Variants in PDE11A observed in about 807,000 individuals in gnomAD.
PDE11A encodes the protein phosphodiesterase 11A.
In PDE11A, 100 loss-of-function variants were observed where a neutral mutation model predicts 100.5. That is an observed-to-expected ratio of 1.00 (90% CI 0.85 to 1.18). The LOEUF is 1.18. Among genes scored for constraint, PDE11A ranks in the 50% most tolerant of loss-of-function variants. The probability of loss-of-function intolerance (pLI) is 0.00; values close to 1 mark genes in which losing one functional copy is unlikely to be tolerated. For missense variants in PDE11A, 1,141 were observed against 1,152.6 expected (o/e 0.99, Z 0.15); for synonymous variants, 381 against 420.8 (o/e 0.91, Z 1.16).
chr2:177,673,158 A>C (rs532119834), intron 17 of PDE11A, among the ~76,000 whole-genome samples: 1 of 152,230 alleles, frequency 6.6e-6, no homozygotes, highest in East Asian at 1.9e-4. Context: ...GCAAATGGAA[A>C]GGACTTGAAT....
chr2:177,773,209 T>A (rs1406311469), intron 9 of PDE11A, among the ~76,000 whole-genome samples: 1 of 152,062 alleles, frequency 6.6e-6, no homozygotes, highest in East Asian at 1.9e-4. Context: ...AAACAGGGTT[T>A]CACTATGTGG....
rs115362468 is a variant in PDE11A at position 177,915,784 on chromosome 2, A to C, written c.1072-10597T>G. On this transcript the variant is annotated intron_variant, in intron 2 of 19. Coordinates refer to ENST00000286063, the MANE Select transcript of PDE11A (RefSeq NM_016953.4). ...CAAGAAACTGCTAAGCTGTCTTCCAAAGTGGCTGTGCCATCTTGCATTCCC... is the reference window on the plus strand; with the variant it reads ...CAAGAAACTGCTAAGCTGTCTTCCACAGTGGCTGTGCCATCTTGCATTCCC... Among the ~76,000 whole-genome samples the C allele has an allele frequency of 1.7e-3, 257 of 152,326 alleles. 1 individual carries two copies. Among genetic ancestry groups the C allele is most frequent in the Admixed American group, 2.7e-3 (41 of 15,302 alleles).
chr2:178,044,656 A>G (rs1457955652), intron 1 of PDE11A, among the ~76,000 whole-genome samples: 1 of 152,042 alleles, frequency 6.6e-6, no homozygotes, highest in Non-Finnish European at 1.5e-5. Context: ...AACTTCCCTC[A>G]GACTGTTTCT....
At chr2:177,801,904 A>G (rs924027995) in intron 9 of PDE11A, among the ~76,000 whole-genome samples, 2 of 152,136 alleles carry the variant, frequency 1.3e-5, no homozygotes, top group African/African-American at 4.8e-5. Context: ...TTATCAAAAG[A>G]CACCATGAAA....
chr2:178,100,955 A>G (rs1255549921), intron 2 of PDE11A, among the ~76,000 whole-genome samples: 1 of 152,248 alleles, frequency 6.6e-6, no homozygotes, highest in African/African-American at 2.4e-5. Context: ...TACTTTAAAA[A>G]TTAAAAAGCT....
At chr2:177,650,824 G>A (rs1331579239) in intron 19 of PDE11A, among the ~76,000 whole-genome samples, 1 of 152,162 alleles carries the variant, frequency 6.6e-6, no homozygotes, top group East Asian at 1.9e-4. Flanking sequence ...CCCTCCTACA[G>A]ATGGTCTGCA....
At chr2:177,893,735 A>G (rs999474223) in intron 4 of PDE11A, among the ~76,000 whole-genome samples, 36 of 152,212 alleles carry the variant, frequency 2.4e-4, no homozygotes, top group Admixed American at 6.5e-4. Context: ...GAGGTGATGA[A>G]GACTGTCTAA....
intron 2 of PDE11A, among the ~76,000 whole-genome samples, chr2:177,952,331 AATT>A (rs1385792409): frequency 6.6e-6 from 1 of 152,146 alleles, no homozygotes; most frequent in Non-Finnish European, 1.5e-5. Flanking sequence ...TCTCTTTGGG[AATT>A]ACCCTTCCCT....
intron 1 of PDE11A, among the ~76,000 whole-genome samples, chr2:178,025,603 C>T (rs2086468678): frequency 6.6e-6 from 1 of 152,086 alleles, no homozygotes; most frequent in African/African-American, 2.4e-5. Context: ...ACCCACACCA[C>T]ACTTGAAACC....
At chr2:177,824,062 C>T (rs141679916) in intron 6 of PDE11A, among the ~76,000 whole-genome samples, 1 of 152,072 alleles carries the variant, frequency 6.6e-6, no homozygotes, top group Admixed American at 6.6e-5. Flanking sequence ...TTTTGTTTAC[C>T]CATCACTTTT....
chr2:177,856,543 G>T (rs1005817380), intron 5 of PDE11A, among the ~76,000 whole-genome samples: 1 of 151,914 alleles, frequency 6.6e-6, no homozygotes, highest in African/African-American at 2.4e-5. Flanking sequence ...TCTAAAGACT[G>T]AAAGGAAAAT....
chr2:177,840,548 G>A (rs891718236), intron 5 of PDE11A, among the ~76,000 whole-genome samples, 165 bp from the exon 6 acceptor site: 7 of 152,156 alleles, frequency 4.6e-5, no homozygotes, highest in Admixed American at 3.9e-4. Context: ...TAGCTACTTC[G>A]AAATGACTTA....
At chr2:177,646,662 T>C (rs2080228690) in intron 19 of PDE11A, among the ~76,000 whole-genome samples, 1 of 152,188 alleles carries the variant, frequency 6.6e-6, no homozygotes, top group African/African-American at 2.4e-5. Context: ...ACTGCAGTGT[T>C]GAGGACAATG....
intron 5 of PDE11A, among the ~76,000 whole-genome samples, chr2:177,855,263 T>C (rs963782458): frequency 1.3e-5 from 2 of 151,970 alleles, no homozygotes; most frequent in African/African-American, 4.8e-5. Flanking sequence ...ACCTTGGACA[T>C]AGAGAAATAA....
In PDE11A at chr2:177,757,177, AC is replaced by A. The variant is rs1464117783; in HGVS notation, c.1788+12145del. Among the ~76,000 whole-genome samples the A allele has an allele frequency of 7.9e-5, 12 of 152,358 alleles. 1 individual carries two copies. In the South Asian group the frequency reaches 1.9e-3, roughly 24 times the overall value. The stretch of plus-strand genomic sequence containing the variant: ...TTTTGTGAAGACTAAATAAATTAAT[AC>A]AGGTAAGGCACCAAAAACTGGCCTG... On this transcript the variant is annotated intron_variant, in intron 10 of 19. Transcript: ENST00000286063.
At chr2:177,767,165 A>G (rs1049433268) in intron 10 of PDE11A, among the ~76,000 whole-genome samples, 5 of 152,160 alleles carry the variant, frequency 3.3e-5, no homozygotes. Flanking sequence ...CCCCGTCTCT[A>G]CTAAAAATAC....
chr2:177,992,987 T>C (rs1035751625), intron 2 of PDE11A, among the ~76,000 whole-genome samples: 7 of 152,322 alleles, frequency 4.6e-5, no homozygotes, highest in Admixed American at 3.9e-4. Context: ...AGAAACATGG[T>C]ACACTCCACT....
intron 3 of PDE11A, among the ~76,000 whole-genome samples, chr2:177,901,227 T>C (rs1214107257): frequency 2.6e-5 from 4 of 152,022 alleles, no homozygotes; most frequent in Non-Finnish European, 5.9e-5. Flanking sequence ...GATCGATAAA[T>C]TGGCTCATCT....
intron 2 of PDE11A, among the ~76,000 whole-genome samples, chr2:178,101,094 G>A (rs2087554041): frequency 6.6e-6 from 1 of 152,122 alleles, no homozygotes; most frequent in Non-Finnish European, 1.5e-5. Context: ...AGACTCCACA[G>A]TACCTTTGCT....
Sources: allele counts gnomAD v4.1 joint callset (sites outside exome capture counted in the v4.1 genomes callset), GRCh38; gene constraint gnomAD v4.1.1; transcripts MANE v1.5; gene names NCBI Gene and HGNC (gene_info 2026-07-23, HGNC 2026-07-21).